BPNT2: variants seen among roughly 807,000 people sequenced by gnomAD.
The protein encoded by BPNT2 is Golgi-resident adenosine 3',5'-bisphosphate 3'-phosphatase.
In BPNT2, 11 loss-of-function variants were observed where a neutral mutation model predicts 29.3. The observed-to-expected ratio is 0.38, with a 90% CI of 0.24 to 0.62. BPNT2 has a LOEUF of 0.62. Among genes scored for constraint, BPNT2 ranks in the 20% least tolerant of loss-of-function variants. The probability of loss-of-function intolerance (pLI) is 0.62; values close to 1 mark genes in which losing one functional copy is unlikely to be tolerated. For missense variants in BPNT2, 459 were observed against 473.4 expected (o/e 0.97, Z 0.28); for synonymous variants, 195 against 187.7 (o/e 1.04, Z -0.32).
Position 56,993,493 on chromosome 8 carries a change from G to A in BPNT2, c.93C>T (p.Phe31=). 1 of 1,500,338 alleles carries A rather than the reference G, an allele frequency of 6.7e-7. No individual in the cohort carries two copies. The highest frequency in any genetic ancestry group is 1.3e-5 in the South Asian group (1 of 78,786). The allele number at this position is 1,500,338 out of a possible 1,614,324, so 92.9% of individuals were successfully genotyped here. The change falls in exon 1 of 5, where the codon TTC becomes TTT. Residue 31 remains phenylalanine (F), a synonymous_variant. Coordinates refer to ENST00000262644, the MANE Select transcript of BPNT2 (RefSeq NM_017813.5). ...CGAAGAGGCTGAAGCGGCCGGCCAAGAAGCCCGAGTAGAGGTGGTAGAGCA... is the reference window on the plus strand; with the variant it reads ...CGAAGAGGCTGAAGCGGCCGGCCAAAAAGCCCGAGTAGAGGTGGTAGAGCA... The part of the protein sequence containing the change: ...LGVLYHLYSG[F]LAGRFSLFGL...
intron 1 of BPNT2, among the ~76,000 whole-genome samples, chr8:56,980,861 T>C (rs1441495187): frequency 7.6e-6 from 1 of 132,388 alleles, no homozygotes; most frequent in African/African-American, 2.9e-5. Context: ...CAAACCCCCC[T>C]TACACATATA....
At position 56,962,434 on chromosome 8, in the gene BPNT2, T is replaced by C. The variant is rs2129203035; in HGVS notation, c.*1359A>G. On this transcript the variant is annotated 3_prime_UTR_variant, in exon 5 of 5. Coordinates refer to ENST00000262644, the MANE Select transcript of BPNT2 (RefSeq NM_017813.5). The stretch of plus-strand genomic sequence containing the variant: ...AAGAAACCGTGAGAAATCCCTCTCA[T>C]CAGCATGTTATGGAATACAAGGGCA... 6.6e-6 allele frequency: 1 copy of C among 152,306 alleles called. No homozygotes were observed. Among genetic ancestry groups the C allele is most frequent in the Non-Finnish European group, 1.5e-5 (1 of 68,024 alleles). 9.4% of individuals were successfully genotyped at this position (152,306 alleles called of 1,614,324 possible).
rs1264279171 is a variant in BPNT2, at chr8:56,961,379, T to C, written c.*2414A>G. 1.3e-5 allele frequency: 2 copies of C among 152,150 alleles called. No homozygotes were observed. Among genetic ancestry groups the C allele is most frequent in the Non-Finnish European group, 2.9e-5 (2 of 68,036 alleles). 9.4% of individuals were successfully genotyped at this position (152,150 alleles called of 1,614,324 possible). On this transcript the variant is annotated 3_prime_UTR_variant, in exon 5 of 5. Transcript: ENST00000262644. ...ATACTGTTCCTAATTCTGCAACGTA[T>C]ATTGGCTTTTAAAAACAAACAATTT...
intron 3 of BPNT2, among the ~76,000 whole-genome samples, chr8:56,977,182 A>T (rs1363077759): frequency 6.6e-6 from 1 of 152,216 alleles, no homozygotes; most frequent in African/African-American, 2.4e-5. Context: ...CAAACGTTTC[A>T]GATAATGGAT....
chr8:56,990,623 G>C lies in BPNT2; in HGVS notation c.387+2576C>G, dbSNP rs1004231251. 3.9e-5 allele frequency among the ~76,000 whole-genome samples: 6 copies of C among 152,030 alleles called. No individual in the cohort carries two copies. The East Asian group carries it at 1.2e-3, about 29-fold the overall frequency. The stretch of plus-strand genomic sequence containing the variant: ...CAACTTGGGCATCAATTGACAAATG[G>C]AGCAGATAATTCTTCGTCATAGGGG... On this transcript the variant is annotated intron_variant, in intron 1 of 4. Transcript: ENST00000262644.
chr8:56,982,581 C>T (rs894844055), intron 1 of BPNT2, among the ~76,000 whole-genome samples: 7 of 152,058 alleles, frequency 4.6e-5, no homozygotes, highest in African/African-American at 1.7e-4. Context: ...AAAATTTCTG[C>T]CCTGTGGAAC....
At chr8:56,967,660 C>T (rs944440403) in intron 3 of BPNT2, among the ~76,000 whole-genome samples, 1 of 152,000 alleles carries the variant, frequency 6.6e-6, no homozygotes, top group Non-Finnish European at 1.5e-5. Context: ...GGAGGAGATA[C>T]GGGACCAGAA....
intron 4 of BPNT2, among the ~76,000 whole-genome samples, chr8:56,964,611 C>T (rs1005139560): frequency 3.3e-5 from 5 of 152,100 alleles, no homozygotes; most frequent in Admixed American, 6.6e-5. Context: ...TGCAAAGTAA[C>T]TTATTAAGCT....
intron 4 of BPNT2, among the ~76,000 whole-genome samples, chr8:56,965,148 C>G (rs1344571418): frequency 2.0e-5 from 3 of 151,990 alleles, no homozygotes; most frequent in Non-Finnish European, 4.4e-5. Flanking sequence ...GGCAAAACCC[C>G]GTCTCTACTA....
At position 56,963,380 on chromosome 8, in the gene BPNT2, A is replaced by C. The variant is rs1426108005; in HGVS notation, c.*413T>G. ...CCCCAATGACTTTATTTTCAATGAG[A>C]TATAGTTGTAAAGTTATATTAAACA... On this transcript the variant is annotated 3_prime_UTR_variant, in exon 5 of 5. Coordinates refer to ENST00000262644, the MANE Select transcript of BPNT2 (RefSeq NM_017813.5). The C allele has an allele frequency of 6.1e-6, 1 of 163,716 alleles. No homozygotes were observed. Among genetic ancestry groups the C allele is most frequent in the African/African-American group, 2.4e-5 (1 of 41,628 alleles). The allele number at this position is 163,716 out of a possible 1,614,324, so 10.1% of individuals were successfully genotyped here.
At chr8:56,973,674 T>C (rs35400916) in intron 3 of BPNT2, among the ~76,000 whole-genome samples, 10,576 of 152,170 alleles carry the variant, frequency 0.07, 571 homozygotes, top group East Asian at 0.27. Flanking sequence ...AGATGAGTGC[T>C]TCAAACCAGG....
At chr8:56,980,712 A>G (rs1806225504) in intron 1 of BPNT2, among the ~76,000 whole-genome samples, 1 of 151,216 alleles carries the variant, frequency 6.6e-6, no homozygotes, top group Admixed American at 6.6e-5. Flanking sequence ...ATGTGGGGTA[A>G]GGAGAGAAAT....
In BPNT2 at chr8:56,988,712, C is replaced by T. The variant is rs529138117; in HGVS notation, c.387+4487G>A. On this transcript the variant is annotated intron_variant, in intron 1 of 4. Transcript: ENST00000262644. ...TTTTCAGTTCAGATGTTTCTTCAGA[C>T]CTTCAGACTCATATATTCAACTGAC... Among the ~76,000 whole-genome samples the T allele has an allele frequency of 3.9e-5, 6 of 152,262 alleles. No individual in the cohort carries two copies. The South Asian group carries it at 1.2e-3, about 32-fold the overall frequency.
chr8:56,987,699 G>A (rs1806348303), intron 1 of BPNT2, among the ~76,000 whole-genome samples: 1 of 151,350 alleles, frequency 6.6e-6, no homozygotes, highest in South Asian at 2.1e-4. Context: ...GGAGAACCCT[G>A]ACCAATACAG....
At chr8:56,970,814 A>G (rs936714789) in intron 3 of BPNT2, among the ~76,000 whole-genome samples, 1 of 152,172 alleles carries the variant, frequency 6.6e-6, no homozygotes, top group Non-Finnish European at 1.5e-5. Context: ...ACTGTTATCA[A>G]CTGCTAAATC....
intron 1 of BPNT2, among the ~76,000 whole-genome samples, chr8:56,987,322 G>C (rs1806341459): frequency 6.6e-6 from 1 of 152,190 alleles, no homozygotes; most frequent in South Asian, 2.1e-4. Flanking sequence ...GTATTTGTGA[G>C]GGTGTTTCTG....
chr8:56,980,898 ATAT>A (rs909572748), intron 1 of BPNT2, among the ~76,000 whole-genome samples: 9 of 150,506 alleles, frequency 6.0e-5, no homozygotes, highest in Non-Finnish European at 1.2e-4. Flanking sequence ...TATATATTAT[ATAT>A]TATTTCTACA....
chr8:56,993,566 C>G lies in BPNT2; in HGVS notation c.20G>C (p.Arg7Pro). MAPMGI[R>P]LSPLGVAVFC... Reference sequence around the variant, plus strand: ...CACTGCCACCCCCAGTGGGGAAAGGCGGATGCCCATGGGGGCCATGGCGTG... The same window carrying G: ...CACTGCCACCCCCAGTGGGGAAAGGGGGATGCCCATGGGGGCCATGGCGTG... Residue 7 changes from arginine (R) to proline (P), a missense_variant, in exon 1 of 5, where the codon CGC becomes CCC. Coordinates refer to ENST00000262644, the MANE Select transcript of BPNT2 (RefSeq NM_017813.5). The G allele has an allele frequency of 6.8e-7, 1 of 1,473,212 alleles. No homozygotes were observed. The highest frequency in any genetic ancestry group is 9.0e-7 in the Non-Finnish European group (1 of 1,110,920). The allele number at this position is 1,473,212 out of a possible 1,614,324, so 91.3% of individuals were successfully genotyped here.
rs1805826209 is a variant in BPNT2 at position 56,961,154 on chromosome 8, A to C, written c.*2639T>G. 6.6e-6 allele frequency: 1 copy of C among 152,198 alleles called. No individual in the cohort carries two copies. The highest frequency in any genetic ancestry group is 1.5e-5 in the Non-Finnish European group (1 of 68,034). 9.4% of individuals were successfully genotyped at this position (152,198 alleles called of 1,614,324 possible). A position where few individuals can be genotyped will look rare whatever the true frequency, so the allele number is the denominator to read the frequency against. The stretch of plus-strand genomic sequence containing the variant: ...ATGTGGTGCATAAAAGTCATATTTT[A>C]AGAAAAATTGCCTCAAAATAAGGGC... On this transcript the variant is annotated 3_prime_UTR_variant, in exon 5 of 5. Coordinates refer to ENST00000262644, the MANE Select transcript of BPNT2 (RefSeq NM_017813.5).
Sources: allele counts gnomAD v4.1 joint callset (sites outside exome capture counted in the v4.1 genomes callset), GRCh38; gene constraint gnomAD v4.1.1; transcripts MANE v1.5; gene names NCBI Gene and HGNC (gene_info 2026-07-23, HGNC 2026-07-21).